The following PGBD2 variants were observed in gnomAD, a reference collection of about 807,000 sequenced individuals.
PGBD2 encodes piggyBac transposable element-derived protein 2.
A neutral mutation model predicts 8.1 loss-of-function variants in PGBD2; 6 were observed. The observed-to-expected ratio is 0.74, with a 90% CI of 0.40 to 1.46. The LOEUF is 1.46. Ranked by LOEUF, PGBD2 falls within the 40% of genes most tolerant of loss-of-function variation. PGBD2 has a pLI of 0.02. For missense variants in PGBD2, 802 were observed against 739.0 expected, an observed-to-expected ratio of 1.09 and a Z score of -0.99; for synonymous variants, 318 against 272.2, an observed-to-expected ratio of 1.17 and a Z score of -1.66.
At chr1:248,905,177 A>G (rs1661599262), upstream of PGBD2, among the ~76,000 whole-genome samples, 1 of 152,232 alleles carries the variant, frequency 6.6e-6, no homozygotes, top group African/African-American at 2.4e-5. Flanking sequence ...AATCTCACAA[A>G]TGAGCATGAT....
the PGBD2 span, among the ~76,000 whole-genome samples, chr1:248,929,618 G>A: frequency 3.3e-4 from 50 of 152,278 alleles, no homozygotes; most frequent in African/African-American, 1.1e-3. Flanking sequence ...GATGAGCCAC[G>A]TGGCTGCTGA....
At chr1:248,929,755 A>C in the PGBD2 span, among the ~76,000 whole-genome samples, 6,815 of 152,244 alleles carry the variant, frequency 0.045, 508 homozygotes, top group African/African-American at 0.15. Context: ...GTTTCCCCAA[A>C]ACACTGATGA....
At chr1:248,886,390 G>A in the PGBD2 span, among the ~76,000 whole-genome samples, 1,261 of 152,260 alleles carry the variant, frequency 8.3e-3, 10 homozygotes, top group Non-Finnish European at 0.013. Context: ...TGAGAAGTGA[G>A]GATGACTGTT....
At chr1:248,925,675 C>T in the PGBD2 span, among the ~76,000 whole-genome samples, 1 of 151,730 alleles carries the variant, frequency 6.6e-6, no homozygotes, top group African/African-American at 2.4e-5. Context: ...CTGCTAATCC[C>T]CACATCTGAG....
In PGBD2 at chr1:248,913,805, T is replaced by C; in HGVS notation, c.-47-11T>C. 7.0e-7 allele frequency: 1 copy of C among 1,427,038 alleles called. No individual in the cohort carries two copies. Among genetic ancestry groups the C allele is most frequent in the Non-Finnish European group, 9.8e-7 (1 of 1,017,438 alleles). The allele number at this position is 1,427,038 out of a possible 1,614,324, so 88.4% of individuals were successfully genotyped here. A position where few individuals can be genotyped will look rare whatever the true frequency, so the allele number is the denominator to read the frequency against. Reference sequence around the variant, plus strand: ...CAATTTTTTTTTAAATTGACTTTTCTTGTCTTACAGGTTCTTAGACTCTGT... The same window carrying C: ...CAATTTTTTTTTAAATTGACTTTTCCTGTCTTACAGGTTCTTAGACTCTGT... On this transcript the variant is annotated splice_polypyrimidine_tract_variant and intron_variant, in intron 1 of 2. Coordinates refer to ENST00000329291, the MANE Select transcript of PGBD2 (RefSeq NM_170725.3).
downstream of PGBD2, among the ~76,000 whole-genome samples, chr1:248,920,526 TTTTC>T (rs1000323028): frequency 6.6e-6 from 1 of 152,188 alleles, no homozygotes; most frequent in African/African-American, 2.4e-5. Flanking sequence ...ATGTGCCACA[TTTTC>T]TTTAGTCTAT....
In PGBD2 at chr1:248,918,152, T is replaced by C; in HGVS notation, c.1568T>C (p.Val523Ala). The C allele has an allele frequency of 1.2e-6, 2 of 1,614,168 alleles. No individual in the cohort carries two copies. Among genetic ancestry groups the C allele is most frequent in the Non-Finnish European group, 1.7e-6 (2 of 1,180,028 alleles). ...LLAFRRYIAC[V>A]YLESNADTTS... The stretch of plus-strand genomic sequence containing the variant: ...GCCTTCCGGAGATACATTGCCTGTG[T>C]GTATCTGGAGAGCAATGCTGACACA... Residue 523 changes from valine to alanine, a missense_variant, in exon 3 of 3, where the codon GTG (valine) becomes GCG (alanine). Val to Ala is a moderately conservative substitution (Grantham distance 64, BLOSUM62 0). Coordinates refer to ENST00000329291, the MANE Select transcript of PGBD2 (RefSeq NM_170725.3).
At chr1:248,873,900 C>G in the PGBD2 span, among the ~76,000 whole-genome samples, 2 of 152,326 alleles carry the variant, frequency 1.3e-5, no homozygotes, top group African/African-American at 2.4e-5. Flanking sequence ...AAGGTAAGCA[C>G]CTTGCCTGCG....
At chr1:248,916,532 C>G (rs1401767329) in intron 2 of PGBD2, 70 bp from the exon 3 acceptor site, 8 of 1,373,222 alleles carry the variant, frequency 5.8e-6, no homozygotes, top group Admixed American at 3.7e-5. Flanking sequence ...TGGGAGCACC[C>G]TCCTCTTTTC....
chr1:248,927,982 T>C, the PGBD2 span, among the ~76,000 whole-genome samples: 2 of 152,176 alleles, frequency 1.3e-5, no homozygotes, highest in Non-Finnish European at 2.9e-5. Flanking sequence ...AAATAGAATT[T>C]CCAACTGCCT....
Position 248,918,266 on chromosome 1 carries a change from C to T in PGBD2, c.1682C>T (p.Thr561Ile), listed in dbSNP as rs767966315. 3.7e-6 allele frequency: 6 copies of T among 1,611,390 alleles called. No homozygotes were observed. Among genetic ancestry groups the T allele is most frequent in the Non-Finnish European group, 5.1e-6 (6 of 1,178,614 alleles). The change falls in exon 3 of 3, where the codon ACC (threonine) becomes ATC (isoleucine). Residue 561 changes from threonine to isoleucine, a missense_variant. Thr to Ile is a moderately conservative substitution (Grantham distance 89). Transcript: ENST00000329291. ...TGGATTATCCATCAGGACAAGAGGA[C>T]CCGGTGTGCCCTCTGCCACTCACAG... ...GHWIIHQDKR[T>I]RCALCHSQTN... is the part of the protein sequence containing the mutation.
upstream of PGBD2, among the ~76,000 whole-genome samples, chr1:248,904,139 C>G (rs768680195): frequency 6.6e-6 from 1 of 151,892 alleles, no homozygotes; most frequent in Non-Finnish European, 1.5e-5. Flanking sequence ...GGCTGCAAGG[C>G]TTTTATGAAA....
At chr1:248,896,120 G>T in the PGBD2 span, among the ~76,000 whole-genome samples, 1 of 151,950 alleles carries the variant, frequency 6.6e-6, no homozygotes, top group South Asian at 2.1e-4. Flanking sequence ...TACAATATTT[G>T]ATTTTCCATT....
chr1:248,890,915 A>G, the PGBD2 span, among the ~76,000 whole-genome samples: 1 of 150,504 alleles, frequency 6.6e-6, no homozygotes, highest in African/African-American at 2.5e-5. Flanking sequence ...ACACACATGC[A>G]CCACACACCA....
chr1:248,873,809 G>A, the PGBD2 span, among the ~76,000 whole-genome samples: 1 of 152,232 alleles, frequency 6.6e-6, no homozygotes, highest in South Asian at 2.1e-4. Context: ...GCTGGCACCA[G>A]CGGACACAAG....
At position 248,918,466 on chromosome 1, in the gene PGBD2, C is replaced by G; in HGVS notation, c.*103C>G. 8.5e-7 allele frequency: 1 copy of G among 1,179,390 alleles called. No homozygotes were observed. Among genetic ancestry groups the G allele is most frequent in the Non-Finnish European group, 1.2e-6 (1 of 857,056 alleles). 73.1% of individuals were successfully genotyped at this position (1,179,390 alleles called of 1,614,324 possible). On this transcript the variant is annotated 3_prime_UTR_variant, in exon 3 of 3. Transcript: ENST00000329291. ...TGTGTTGGAAAAAAGACCTGAATTT[C>G]TAATGACTTGATTTTCTATTTTCTC...
At chr1:248,928,601 G>T in the PGBD2 span, among the ~76,000 whole-genome samples, 1 of 152,128 alleles carries the variant, frequency 6.6e-6, no homozygotes, top group African/African-American at 2.4e-5. Flanking sequence ...TGTTCTGAGG[G>T]AGAAAAACTA....
Position 248,918,367 on chromosome 1 carries a change from C to T in PGBD2, c.*4C>T. ...CAGGGAGTACCACATCCGGTGACAT[C>T]ATGAGACATGCTTCTTTGGTTTATA... On this transcript the variant is annotated 3_prime_UTR_variant, in exon 3 of 3. Transcript: ENST00000329291. The T allele has an allele frequency of 6.5e-7, 1 of 1,530,542 alleles. No homozygotes were observed. Among genetic ancestry groups the T allele is most frequent in the Non-Finnish European group, 8.8e-7 (1 of 1,140,552 alleles). 94.8% of individuals were successfully genotyped at this position (1,530,542 alleles called of 1,614,324 possible).
the PGBD2 span, among the ~76,000 whole-genome samples, chr1:248,873,510 G>T: frequency 6.6e-6 from 1 of 152,240 alleles, no homozygotes; most frequent in Non-Finnish European, 1.5e-5. Context: ...TACTTTCCGA[G>T]TAGTAACTGC....
Sources: allele counts gnomAD v4.1 joint callset (sites outside exome capture counted in the v4.1 genomes callset), GRCh38; gene constraint gnomAD v4.1.1; transcripts MANE v1.5; gene names NCBI Gene and HGNC (gene_info 2026-07-23, HGNC 2026-07-21).